NEO1: variants seen among roughly 807,000 people sequenced by gnomAD.
NEO1 encodes the protein neogenin 1.
Under a neutral mutation model 159.7 loss-of-function variants are expected in NEO1, and 63 were observed. The observed-to-expected ratio is 0.39, with a 90% CI of 0.32 to 0.49. The LOEUF (loss-of-function observed/expected upper bound fraction) is 0.49, where lower values mean the gene tolerates loss of function less well. Ranked by LOEUF, NEO1 falls within the 20% of genes least tolerant of loss-of-function variation. NEO1 has a pLI of 0.85. For missense variants in NEO1, 1,615 were observed against 1,831.0 expected (o/e 0.88, Z 2.15); for synonymous variants, 633 against 662.0 (o/e 0.96, Z 0.67).
intron 7 of NEO1, among the ~76,000 whole-genome samples, chr15:73,216,230 A>G (rs1347754966): frequency 6.6e-6 from 1 of 151,982 alleles, no homozygotes; most frequent in Non-Finnish European, 1.5e-5. Context: ...ATGATTTCTA[A>G]TTTCATCCGT....
chr15:73,184,534 G>C (rs546487988), intron 7 of NEO1, among the ~76,000 whole-genome samples: 1 of 152,182 alleles, frequency 6.6e-6, no homozygotes, highest in African/African-American at 2.4e-5. Flanking sequence ...TGTGTTTGTA[G>C]CATCTTTATT....
At chr15:73,153,513 G>T (rs1219736063) in intron 5 of NEO1, among the ~76,000 whole-genome samples, 1 of 152,190 alleles carries the variant, frequency 6.6e-6, no homozygotes, top group Non-Finnish European at 1.5e-5. Flanking sequence ...CTGAAATCTG[G>T]GTCAAAGGGA....
chr15:73,178,751 A>T (rs985133814), intron 7 of NEO1, among the ~76,000 whole-genome samples: 2 of 152,118 alleles, frequency 1.3e-5, no homozygotes, highest in African/African-American at 4.8e-5. Flanking sequence ...TTTTTTTTCC[A>T]ATTCTATACA....
In NEO1 at chr15:73,116,726, A is replaced by G. The variant is rs143821851; in HGVS notation, c.317A>G (p.Asp106Gly). ...GATGATCGACGCCAGCTTCTCCCGG[A>G]TGGATCTTTATTTATCAGCAATGTG... ...VSDDRRQLLP[D>G]GSLFISNVVH... Residue 106 changes from aspartate (D) to glycine (G), a missense_variant, in exon 2 of 29, where the codon GAT becomes GGT. Around this residue, in one of 3 missense-constraint regions of NEO1, gnomAD observed 1,018 missense variants for 1,115.4 expected, o/e 0.91. Transcript: ENST00000261908. 1.2e-3 allele frequency: 1,860 copies of G among 1,613,836 alleles called. 1 individual carries two copies. The highest frequency in any genetic ancestry group is 1.4e-3 in the Non-Finnish European group (1,657 of 1,179,936).
At chr15:73,123,125 C>G (rs1248776000) in intron 3 of NEO1, among the ~76,000 whole-genome samples, 1 of 150,882 alleles carries the variant, frequency 6.6e-6, no homozygotes, top group Non-Finnish European at 1.5e-5. Flanking sequence ...CCATTGCACT[C>G]CAGCCTGGGC....
chr15:73,287,170 A>T (rs2041979175), intron 23 of NEO1, among the ~76,000 whole-genome samples: 1 of 152,112 alleles, frequency 6.6e-6, no homozygotes, highest in South Asian at 2.1e-4. Context: ...AGGATTTCTT[A>T]AAATCCTTCT....
rs146253152 is a variant in NEO1, at chr15:73,286,400, T to C, written c.3411-1913T>C. On this transcript the variant is annotated intron_variant, in intron 23 of 28. Coordinates refer to ENST00000261908, the MANE Select transcript of NEO1 (RefSeq NM_002499.4). ...ATGACAGCATGTTTTGTTTTGTTTT[T>C]TGTTTTTTTTCATAGGTCCTCCTGT... Among the ~76,000 whole-genome samples the C allele has an allele frequency of 4.3e-4, 65 of 152,344 alleles. 1 individual carries two copies. The East Asian group carries it at 7.9e-3, about 19-fold the overall frequency.
chr15:73,274,047 A>G (rs747638217), intron 20 of NEO1, 42 bp downstream of exon 20: 2 of 1,574,950 alleles, frequency 1.3e-6, no homozygotes, highest in East Asian at 4.5e-5. Flanking sequence ...GTGTCTCTTT[A>G]GTGGGGCTAT....
intron 8 of NEO1, among the ~76,000 whole-genome samples, chr15:73,242,792 G>A (rs1409097267): frequency 6.6e-6 from 1 of 152,186 alleles, no homozygotes; most frequent in Non-Finnish European, 1.5e-5. Context: ...AGAAGAAAAG[G>A]GGTTGGTCTT....
intron 5 of NEO1, among the ~76,000 whole-genome samples, chr15:73,138,546 G>A (rs1384726639): frequency 2.0e-5 from 3 of 152,060 alleles, no homozygotes; most frequent in African/African-American, 7.2e-5. Context: ...CACGAGGTCA[G>A]GAGATCGAGA....
At chr15:73,127,146 G>A (rs1030812703) in intron 4 of NEO1, among the ~76,000 whole-genome samples, 23 of 151,142 alleles carry the variant, frequency 1.5e-4, no homozygotes, top group African/African-American at 5.1e-4. Flanking sequence ...CAGAAGAATC[G>A]CTTTAACCCA....
chr15:73,173,135 C>T (rs2035070676), intron 5 of NEO1, among the ~76,000 whole-genome samples: 1 of 152,150 alleles, frequency 6.6e-6, no homozygotes, highest in African/African-American at 2.4e-5. Flanking sequence ...CAAACATCTT[C>T]AGTTTTCCTG....
chr15:73,258,256 T>C (rs1272201425), intron 13 of NEO1, among the ~76,000 whole-genome samples: 1 of 152,228 alleles, frequency 6.6e-6, no homozygotes, highest in Non-Finnish European at 1.5e-5. Flanking sequence ...GGAATAGATT[T>C]TGAGACCGTA....
intron 5 of NEO1, among the ~76,000 whole-genome samples, chr15:73,158,208 C>CTTTTTT (rs1047852394): frequency 1.1e-4 from 9 of 82,554 alleles, no homozygotes; most frequent in East Asian, 4.8e-4. Context: ...GAGTGAGACT[C>CTTTTTT]TTTTTTTTTT....
At chr15:73,226,706 G>A (rs1464019469) in intron 7 of NEO1, among the ~76,000 whole-genome samples, 2 of 152,174 alleles carry the variant, frequency 1.3e-5, no homozygotes, top group Non-Finnish European at 2.9e-5. Context: ...TCTGAATAAT[G>A]AATTCTGAAT....
At chr15:73,254,893 G>A in intron 13 of NEO1, 64 bp downstream of exon 13, 1 of 1,531,442 alleles carries the variant, frequency 6.5e-7, no homozygotes, top group African/African-American at 1.4e-5. Context: ...AATTATGCTA[G>A]TCTAATGACT....
chr15:73,158,163 C>T (rs1463245488), intron 5 of NEO1, among the ~76,000 whole-genome samples: 2 of 148,196 alleles, frequency 1.3e-5, no homozygotes, highest in African/African-American at 5.0e-5. Context: ...TGCAGTGAGC[C>T]GAGATCGTCC....
chr15:73,150,164 A>G (rs978418603), intron 5 of NEO1, among the ~76,000 whole-genome samples: 1 of 152,200 alleles, frequency 6.6e-6, no homozygotes, highest in Admixed American at 6.5e-5. Flanking sequence ...ATCCTGAGAA[A>G]TGGGTCAGAT....
At chr15:73,057,935 A>T (rs960245802) in intron 1 of NEO1, among the ~76,000 whole-genome samples, 3 of 152,150 alleles carry the variant, frequency 2.0e-5, no homozygotes, top group African/African-American at 7.2e-5. Context: ...AGAATAAAAG[A>T]TTTTATCACT....
Sources: gnomAD v4.1 joint callset for allele counts (sites outside exome capture counted in the v4.1 genomes callset) on GRCh38, gnomAD v4.1.1 for gene constraint, gnomAD v4.1.1 regional missense constraint, MANE v1.5 for transcripts, NCBI Gene and HGNC (gene_info 2026-07-23, HGNC 2026-07-21) for gene names.